Variants in UBASH3B observed in about 807,000 individuals in gnomAD.
The protein encoded by UBASH3B is ubiquitin-associated and SH3 domain-containing protein B.
Under a neutral mutation model 83.4 loss-of-function variants are expected in UBASH3B, and 37 were observed. The ratio of observed to expected loss-of-function variants is 0.44; its 90% CI spans 0.34 to 0.58. UBASH3B has a LOEUF of 0.58. Ranked by LOEUF, UBASH3B falls within the 20% of genes least tolerant of loss-of-function variation. The pLI is 0.01. For missense variants in UBASH3B, 657 were observed against 827.2 expected (o/e 0.79, Z 2.52); for synonymous variants, 304 against 318.3 (o/e 0.96, Z 0.48).
At chr11:122,685,132 C>T (rs1480284301) in intron 1 of UBASH3B, among the ~76,000 whole-genome samples, 1 of 152,196 alleles carries the variant, frequency 6.6e-6, no homozygotes, top group Non-Finnish European at 1.5e-5. Flanking sequence ...ACTGAATTTG[C>T]AGCTGATGCT....
intron 11 of UBASH3B, among the ~76,000 whole-genome samples, chr11:122,805,555 C>CA (rs1203684321): frequency 6.6e-6 from 1 of 151,900 alleles, no homozygotes; most frequent in Non-Finnish European, 1.5e-5. Context: ...ACAACAACAA[C>CA]AAAAAACAAA....
At chr11:122,750,008 C>G (rs926921756) in intron 1 of UBASH3B, among the ~76,000 whole-genome samples, 3 of 152,224 alleles carry the variant, frequency 2.0e-5, no homozygotes, top group African/African-American at 7.2e-5. Context: ...GCTGGGATTA[C>G]AGGTGTGAGC....
At position 122,800,553 on chromosome 11, in the gene UBASH3B, C is replaced by CA. The variant is rs560183254; in HGVS notation, c.1451-627dup. On this transcript the variant is annotated intron_variant, in intron 10 of 13. Transcript: ENST00000284273. ...TAGGTGACAGAGCAAGACTCTGTAT[C>CA]AAAAAAAATAATAATAATAAAGAAA... Among the ~76,000 whole-genome samples, 311 of 150,556 alleles carry CA rather than the reference C, an allele frequency of 2.1e-3. 1 individual carries two copies. The highest frequency in any genetic ancestry group is 6.9e-3 in the African/African-American group (285 of 41,096).
At chr11:122,800,675 C>T (rs746375402) in intron 10 of UBASH3B, among the ~76,000 whole-genome samples, 3 of 152,098 alleles carry the variant, frequency 2.0e-5, no homozygotes, top group Non-Finnish European at 4.4e-5. Context: ...GCTGCACAAT[C>T]TTGGCTCACT....
chr11:122,785,983 A>G (rs753608014), intron 5 of UBASH3B, among the ~76,000 whole-genome samples: 19 of 152,114 alleles, frequency 1.2e-4, no homozygotes, highest in Admixed American at 3.3e-4. Context: ...GTTCCATCCC[A>G]TTGTAGTAAG....
At chr11:122,793,816 C>A (rs1861102399) in intron 6 of UBASH3B, among the ~76,000 whole-genome samples, 2 of 152,130 alleles carry the variant, frequency 1.3e-5, no homozygotes, top group Non-Finnish European at 2.9e-5. Flanking sequence ...TGAAATAATT[C>A]TATTTGTAAT....
chr11:122,724,110 G>T (rs796555025), intron 1 of UBASH3B, among the ~76,000 whole-genome samples: 1 of 152,164 alleles, frequency 6.6e-6, no homozygotes, highest in South Asian at 2.1e-4. Context: ...TGGTTATTTC[G>T]TTCATTCATC....
chr11:122,793,800 C>CT (rs545664593), intron 6 of UBASH3B, among the ~76,000 whole-genome samples: 14 of 152,140 alleles, frequency 9.2e-5, no homozygotes, highest in Non-Finnish European at 1.2e-4. Context: ...TGAGAATGGT[C>CT]TTCTCTGAAA....
At chr11:122,676,912 T>C (rs1863675025) in intron 1 of UBASH3B, among the ~76,000 whole-genome samples, 1 of 152,200 alleles carries the variant, frequency 6.6e-6, no homozygotes, top group Non-Finnish European at 1.5e-5. Flanking sequence ...CTCAAGCCCT[T>C]GCATTTTCAA....
chr11:122,732,307 C>A (rs972105508), intron 1 of UBASH3B, among the ~76,000 whole-genome samples: 4 of 152,164 alleles, frequency 2.6e-5, no homozygotes, highest in African/African-American at 9.7e-5. Flanking sequence ...GGTTGCCATA[C>A]CCTGACACAC....
intron 1 of UBASH3B, among the ~76,000 whole-genome samples, chr11:122,702,972 C>T (rs1864063263): frequency 6.6e-6 from 1 of 152,180 alleles, no homozygotes; most frequent in African/African-American, 2.4e-5. Context: ...CATTTATTCA[C>T]TCATTCTATA....
intron 1 of UBASH3B, among the ~76,000 whole-genome samples, chr11:122,658,952 C>T (rs947703141): frequency 1.2e-4 from 19 of 152,188 alleles, no homozygotes; most frequent in African/African-American, 4.6e-4. Context: ...GCCGTGCTCC[C>T]TCTGGAGGCT....
intron 1 of UBASH3B, among the ~76,000 whole-genome samples, chr11:122,663,517 G>A (rs1365653815): frequency 1.3e-5 from 2 of 152,198 alleles, no homozygotes; most frequent in African/African-American, 4.8e-5. Context: ...CCCTTTCAGG[G>A]AGTGGACAGT....
intron 1 of UBASH3B, among the ~76,000 whole-genome samples, chr11:122,767,133 C>T (rs1184881300): frequency 2.6e-5 from 4 of 151,988 alleles, no homozygotes; most frequent in Non-Finnish European, 5.9e-5. Flanking sequence ...CAAAAATTAG[C>T]TGGGCATAGT....
At chr11:122,739,553 G>C (rs1860991588) in intron 1 of UBASH3B, among the ~76,000 whole-genome samples, 1 of 152,190 alleles carries the variant, frequency 6.6e-6, no homozygotes, top group Admixed American at 6.5e-5. Flanking sequence ...CATGCTGTTG[G>C]TGGGTATCCA....
At chr11:122,755,348 G>A (rs1013524869) in intron 1 of UBASH3B, among the ~76,000 whole-genome samples, 1 of 152,110 alleles carries the variant, frequency 6.6e-6, no homozygotes, top group Non-Finnish European at 1.5e-5. Flanking sequence ...ATAGCAGTTG[G>A]CCTTTTGGCT....
Position 122,806,815 on chromosome 11 carries a change from C to T in UBASH3B, c.1702+299C>T, listed in dbSNP as rs1207185559. ...CTCTTATAATTTCCAAAAGCTCTAG[C>T]ATGCCACTGTTTTGCCTATAATTGA... is the stretch of plus-strand genomic sequence containing the variant. On this transcript the variant is annotated intron_variant, in intron 12 of 13. Coordinates refer to ENST00000284273, the MANE Select transcript of UBASH3B (RefSeq NM_032873.5). The surrounding 1 kb of genome is among the most constrained non-coding windows in gnomAD (Gnocchi z 4.0). 6.6e-6 allele frequency among the ~76,000 whole-genome samples: 1 copy of T among 152,190 alleles called. No individual in the cohort carries two copies. Among genetic ancestry groups the T allele is most frequent in the Admixed American group, 6.5e-5 (1 of 15,274 alleles).
At chr11:122,669,882 C>T (rs1242073406) in intron 1 of UBASH3B, among the ~76,000 whole-genome samples, 1 of 152,186 alleles carries the variant, frequency 6.6e-6, no homozygotes, top group Non-Finnish European at 1.5e-5. Context: ...CCCAGGCAAT[C>T]AACTGCACAC....
intron 1 of UBASH3B, chr11:122,726,211 C>G (rs1860737186): frequency 6.5e-6 from 1 of 153,612 alleles, no homozygotes; most frequent in African/African-American, 2.4e-5. Flanking sequence ...CTTTTCATGT[C>G]AGATGGGTAA....
Sources: allele counts gnomAD v4.1 joint callset (sites outside exome capture counted in the v4.1 genomes callset), GRCh38; gene constraint gnomAD v4.1.1; non-coding constraint Gnocchi (gnomAD v3.1); transcripts MANE v1.5; gene names NCBI Gene and HGNC (gene_info 2026-07-23, HGNC 2026-07-21).